SNTG1: variants seen among roughly 807,000 people sequenced by gnomAD.
SNTG1 encodes syntrophin gamma 1.
In SNTG1, 39 loss-of-function variants were observed where a neutral mutation model predicts 74.7. That is an observed-to-expected ratio of 0.52 (90% CI 0.40 to 0.68). SNTG1 has a LOEUF of 0.68. Ranked by LOEUF, SNTG1 falls within the 30% of genes least tolerant of loss-of-function variation. The probability of loss-of-function intolerance (pLI) is 0.00; values close to 1 mark genes in which losing one functional copy is unlikely to be tolerated. For synonymous variants in SNTG1, 254 were observed against 217.1 expected, an observed-to-expected ratio of 1.17 and a Z score of -1.49; for missense variants, 685 against 609.5, an observed-to-expected ratio of 1.12 and a Z score of -1.30.
chr8:50,769,400 T>C (rs955396081), intron 18 of SNTG1, among the ~76,000 whole-genome samples: 1 of 151,948 alleles, frequency 6.6e-6, no homozygotes, highest in Non-Finnish European at 1.5e-5. Flanking sequence ...AATTTTAAAG[T>C]TGAAGACCTT....
intron 13 of SNTG1, among the ~76,000 whole-genome samples, chr8:50,632,115 C>A (rs2131115874): frequency 6.6e-6 from 1 of 152,124 alleles, no homozygotes; most frequent in African/African-American, 2.4e-5. Flanking sequence ...TAGGATATGG[C>A]AGTCACTAAA....
At chr8:49,959,762 A>G (rs1315766307) in intron 1 of SNTG1, among the ~76,000 whole-genome samples, 1 of 152,226 alleles carries the variant, frequency 6.6e-6, no homozygotes, top group East Asian at 1.9e-4. Context: ...GAACAGCTGT[A>G]TCCAAGTTTT....
chr8:50,363,426 G>A (rs1587321578), intron 2 of SNTG1, among the ~76,000 whole-genome samples: 1 of 152,118 alleles, frequency 6.6e-6, no homozygotes, highest in African/African-American at 2.4e-5. Context: ...CTGATCTAGG[G>A]AACTGCTGGT....
At position 50,403,747 on chromosome 8, in the gene SNTG1, A is replaced by C. The variant is rs567807807; in HGVS notation, c.162+1403A>C. On this transcript the variant is annotated intron_variant, in intron 4 of 18. Coordinates refer to ENST00000642720, the MANE Select transcript of SNTG1 (RefSeq NM_018967.5). ...GCATTTTCAACAAATTCAAAAAAGC[A>C]TTTGACAAAATTCAACACCCATTTT... 2.9e-3 allele frequency among the ~76,000 whole-genome samples: 438 copies of C among 152,344 alleles called. 2 individuals carry two copies. The highest frequency in any genetic ancestry group is 0.015 in the South Asian group (72 of 4,832).
At chr8:50,674,529 AC>A in intron 15 of SNTG1, among the ~76,000 whole-genome samples, 1 of 148,448 alleles carries the variant, frequency 6.7e-6, no homozygotes, top group Admixed American at 6.7e-5. Flanking sequence ...ATCCCCTTTA[AC>A]CTTTTTTTGT....
At chr8:50,745,015 C>T (rs878926856) in intron 17 of SNTG1, among the ~76,000 whole-genome samples, 7 of 151,704 alleles carry the variant, frequency 4.6e-5, no homozygotes, top group African/African-American at 9.7e-5. Context: ...GCTATGACGC[C>T]GAAAGCTCAG....
intron 1 of SNTG1, among the ~76,000 whole-genome samples, chr8:49,938,603 T>TTTTTTTTTTTCTTTTCTTTCTTTCTTTC (rs1554524905): frequency 2.7e-5 from 2 of 74,754 alleles, no homozygotes; most frequent in African/African-American, 4.5e-5. Context: ...TTTTCTTTTC[T>TTTTTTTTTTTCTTTTCTTTCTTTCTTTC]TTTCTTTCTT....
At chr8:50,378,265 G>T (rs577695112) in intron 2 of SNTG1, among the ~76,000 whole-genome samples, 1 of 152,326 alleles carries the variant, frequency 6.6e-6, no homozygotes, top group African/African-American at 2.4e-5. Flanking sequence ...AGCTCCCACA[G>T]GTGGCATTGC....
chr8:50,356,448 C>T (rs897601182), intron 2 of SNTG1, among the ~76,000 whole-genome samples: 2 of 152,172 alleles, frequency 1.3e-5, no homozygotes, highest in African/African-American at 2.4e-5. Flanking sequence ...ATGCTCTATA[C>T]TCTTTGTCTT....
chr8:50,280,634 T>C (rs1184089898), intron 2 of SNTG1, among the ~76,000 whole-genome samples: 1 of 152,104 alleles, frequency 6.6e-6, no homozygotes, highest in Non-Finnish European at 1.5e-5. Flanking sequence ...TTATAAGTCA[T>C]AGGTGGATAC....
chr8:50,047,770 G>T (rs1819222517), intron 1 of SNTG1, among the ~76,000 whole-genome samples: 1 of 152,138 alleles, frequency 6.6e-6, no homozygotes, highest in South Asian at 2.1e-4. Flanking sequence ...ACCTGGGGGT[G>T]TCACATGCTA....
At chr8:50,628,720 T>G (rs1335540784) in intron 13 of SNTG1, among the ~76,000 whole-genome samples, 1 of 152,188 alleles carries the variant, frequency 6.6e-6, no homozygotes, top group Non-Finnish European at 1.5e-5. Flanking sequence ...CTCTTACTTG[T>G]GGTCTTTAAT....
chr8:50,534,718 T>G (rs1322127703), intron 10 of SNTG1, among the ~76,000 whole-genome samples: 2 of 152,034 alleles, frequency 1.3e-5, no homozygotes, highest in Non-Finnish European at 2.9e-5. Flanking sequence ...GGGCGGAGGT[T>G]TCAGTGAGCT....
chr8:50,372,532 A>G (rs1165375767), intron 2 of SNTG1, among the ~76,000 whole-genome samples: 1 of 152,106 alleles, frequency 6.6e-6, no homozygotes, highest in Non-Finnish European at 1.5e-5. Flanking sequence ...GCAAATATGC[A>G]TTTTAATTAT....
chr8:50,083,559 T>C lies in SNTG1; in HGVS notation c.-102-89002T>C, dbSNP rs151091737. On this transcript the variant is annotated intron_variant, in intron 1 of 18. Transcript: ENST00000642720. ...ATTATTTACATGCACATTCAGTTTT[T>C]AAGCTTGTGAATTTTATATAAAGCA... Among the ~76,000 whole-genome samples, 705 of 152,338 alleles carry C rather than the reference T, an allele frequency of 4.6e-3. 5 individuals are homozygous for C. The highest frequency in any genetic ancestry group is 0.016 in the African/African-American group (663 of 41,584).
At chr8:50,351,948 A>G (rs2091674522) in intron 2 of SNTG1, among the ~76,000 whole-genome samples, 1 of 152,208 alleles carries the variant, frequency 6.6e-6, no homozygotes, top group Non-Finnish European at 1.5e-5. Flanking sequence ...AGTTAAAAGT[A>G]CTGTGGTCCT....
rs559736103 is a variant in SNTG1 at position 50,366,404 on chromosome 8, A to ACTAT, written c.-27-27805_-27-27802dup. Among the ~76,000 whole-genome samples the ACTAT allele has an allele frequency of 9.4e-4, 143 of 152,174 alleles. 1 individual carries two copies. The highest frequency in any genetic ancestry group is 3.2e-3 in the African/African-American group (133 of 41,532). On this transcript the variant is annotated intron_variant, in intron 2 of 18. Coordinates refer to ENST00000642720, the MANE Select transcript of SNTG1 (RefSeq NM_018967.5). The stretch of plus-strand genomic sequence containing the variant: ...GGTATTTTTCAAAGTGTAGTCCTTG[A>ACTAT]CTATCTTTATCAGAAATCATAACCA...
chr8:49,974,857 G>A (rs533094403), intron 1 of SNTG1, among the ~76,000 whole-genome samples: 9 of 152,256 alleles, frequency 5.9e-5, no homozygotes, highest in African/African-American at 2.2e-4. Context: ...AAAGAATCTT[G>A]TGGGTAATTG....
intron 1 of SNTG1, among the ~76,000 whole-genome samples, chr8:50,018,321 A>C (rs1385168237): frequency 3.3e-5 from 5 of 152,034 alleles, no homozygotes; most frequent in Non-Finnish European, 5.9e-5. Flanking sequence ...AGAAGTATAG[A>C]TCACTTCAGA....
Sources: allele counts gnomAD v4.1 joint callset (sites outside exome capture counted in the v4.1 genomes callset), GRCh38; gene constraint gnomAD v4.1.1; transcripts MANE v1.5; gene names NCBI Gene and HGNC (gene_info 2026-07-23, HGNC 2026-07-21).